The following GRIN2A variants were observed in gnomAD, a reference collection of about 807,000 sequenced individuals.
GRIN2A encodes glutamate receptor ionotropic, NMDA 2A.
GRIN2A carries 22 observed loss-of-function variants against 113.4 expected under a neutral mutation model. The observed-to-expected ratio is 0.19, with a 90% CI of 0.14 to 0.28. The LOEUF is 0.28. Among genes scored for constraint, GRIN2A ranks in the 10% least tolerant of loss-of-function variants. GRIN2A has a pLI of 1.00. For missense variants in GRIN2A, 1,502 were observed against 1,887.0 expected (o/e 0.80, Z 3.78); for synonymous variants, 827 against 738.4 (o/e 1.12, Z -1.94).
At chr16:10,134,074 T>C (rs947998250) in intron 2 of GRIN2A, among the ~76,000 whole-genome samples, 1 of 151,712 alleles carries the variant, frequency 6.6e-6, no homozygotes, top group African/African-American at 2.4e-5. Flanking sequence ...TGCATGCCTG[T>C]AGTCCAACCT....
chr16:10,161,174 G>A (rs964223451), intron 2 of GRIN2A, among the ~76,000 whole-genome samples: 3 of 152,192 alleles, frequency 2.0e-5, no homozygotes, highest in Non-Finnish European at 4.4e-5. Context: ...TCATGATAGT[G>A]AGTGAGTTCT....
At chr16:10,064,532 C>T (rs972374121) in intron 2 of GRIN2A, among the ~76,000 whole-genome samples, 1 of 152,174 alleles carries the variant, frequency 6.6e-6, no homozygotes, top group Admixed American at 6.5e-5. Context: ...CTGTTCATGC[C>T]TCTACATTGA....
At position 10,126,720 on chromosome 16, in the gene GRIN2A, C is replaced by G. The variant is rs567401955; in HGVS notation, c.414+53278G>C. On this transcript the variant is annotated intron_variant, in intron 2 of 12. Transcript: ENST00000330684. ...TCTGTTAATTTTCTTTATGTTATTGCTGGAACTCCCTGAAACGACCACAAA... is the reference window on the plus strand; with the variant it reads ...TCTGTTAATTTTCTTTATGTTATTGGTGGAACTCCCTGAAACGACCACAAA... Among the ~76,000 whole-genome samples the G allele has an allele frequency of 3.2e-4, 49 of 152,260 alleles. No individual in the cohort carries two copies. In the South Asian group the frequency reaches 0.01, roughly 32 times the overall value.
chr16:10,062,638 G>C (rs943410517), intron 2 of GRIN2A, among the ~76,000 whole-genome samples: 35 of 152,188 alleles, frequency 2.3e-4, no homozygotes, highest in African/African-American at 8.0e-4. Context: ...GCCGAGGTGG[G>C]TGTATCACCT....
chr16:10,114,742 C>G (rs2048695413), intron 2 of GRIN2A, among the ~76,000 whole-genome samples: 1 of 152,194 alleles, frequency 6.6e-6, no homozygotes, highest in Non-Finnish European at 1.5e-5. Context: ...GATCTAATAA[C>G]CAAAGAATCA....
At chr16:10,179,910 G>C (rs1162910009) in intron 2 of GRIN2A, 88 bp downstream of exon 2, 10 of 521,758 alleles carry the variant, frequency 1.9e-5, no homozygotes, top group East Asian at 1.3e-4. Flanking sequence ...CATCAAGACA[G>C]ATTCTAGGGG....
At chr16:9,780,007 G>T (rs755088207) in intron 11 of GRIN2A, among the ~76,000 whole-genome samples, 19 of 152,096 alleles carry the variant, frequency 1.2e-4, no homozygotes, top group Non-Finnish European at 4.4e-5. Context: ...TTGATGTTGG[G>T]GCAAGAATCT....
intron 4 of GRIN2A, among the ~76,000 whole-genome samples, chr16:9,857,730 G>A (rs192406534): frequency 1.3e-5 from 2 of 152,328 alleles, no homozygotes; most frequent in East Asian, 3.9e-4. Context: ...GCCCATAAAG[G>A]AATGCCCAAT....
chr16:9,883,703 G>A (rs1282566403), intron 4 of GRIN2A, among the ~76,000 whole-genome samples: 2 of 152,224 alleles, frequency 1.3e-5, no homozygotes, highest in Admixed American at 6.5e-5. Context: ...GTGATATTGG[G>A]TGTCTGTGGG....
chr16:9,821,934 T>G (rs1309169704), intron 10 of GRIN2A, among the ~76,000 whole-genome samples: 1 of 152,236 alleles, frequency 6.6e-6, no homozygotes, highest in African/African-American at 2.4e-5. Flanking sequence ...ATCTTTGTTT[T>G]CACTACTTTA....
chr16:9,903,475 C>G (rs1172187771), intron 3 of GRIN2A, among the ~76,000 whole-genome samples: 3 of 152,130 alleles, frequency 2.0e-5, no homozygotes, highest in Non-Finnish European at 4.4e-5. Context: ...AAAGGGATAC[C>G]TTAATCTCCA....
At chr16:9,848,504 C>T (rs1260936321) in intron 5 of GRIN2A, among the ~76,000 whole-genome samples, 1 of 151,140 alleles carries the variant, frequency 6.6e-6, no homozygotes, top group Non-Finnish European at 1.5e-5. Flanking sequence ...ATGTGAATCA[C>T]TGTGTCCAAC....
intron 10 of GRIN2A, among the ~76,000 whole-genome samples, chr16:9,815,343 T>C (rs2042165598): frequency 6.7e-6 from 1 of 150,066 alleles, no homozygotes; most frequent in South Asian, 2.1e-4. Context: ...AAAAAATATT[T>C]GCAAATTGTA....
chr16:9,855,132 C>A (rs2042946654), intron 4 of GRIN2A, among the ~76,000 whole-genome samples: 1 of 152,014 alleles, frequency 6.6e-6, no homozygotes, highest in African/African-American at 2.4e-5. Flanking sequence ...TGGCACAGGA[C>A]AAGAGGGTTC....
At chr16:10,087,521 G>T (rs1032178124) in intron 2 of GRIN2A, among the ~76,000 whole-genome samples, 2 of 152,178 alleles carry the variant, frequency 1.3e-5, no homozygotes, top group Non-Finnish European at 1.5e-5. Flanking sequence ...AAGCAGAGCT[G>T]CAACTAACCT....
intron 7 of GRIN2A, among the ~76,000 whole-genome samples, chr16:9,839,768 T>C (rs1212185814): frequency 6.6e-6 from 1 of 152,214 alleles, no homozygotes; most frequent in African/African-American, 2.4e-5. Context: ...GACCAGTATC[T>C]GAATATGTGA....
At chr16:9,777,440 C>T (rs914781322) in intron 11 of GRIN2A, among the ~76,000 whole-genome samples, 5 of 152,136 alleles carry the variant, frequency 3.3e-5, no homozygotes, top group Admixed American at 2.6e-4. Flanking sequence ...GTACAAGATT[C>T]TGGACACAAA....
rs957299535 is a variant in GRIN2A, at chr16:9,753,819, C to G, written c.*9330G>C. ...AGCAGACAGCTTGCTTTCAGCTCCA[C>G]CATACAAGACATCAAGTCAGTTCTG... On this transcript the variant is annotated 3_prime_UTR_variant, in exon 13 of 13. Coordinates refer to ENST00000330684, the MANE Select transcript of GRIN2A (RefSeq NM_001134407.3). 1 of 180,858 alleles carries G rather than the reference C, an allele frequency of 5.5e-6. No homozygotes were observed. Among genetic ancestry groups the G allele is most frequent in the Admixed American group, 6.3e-5 (1 of 15,922 alleles). The allele number at this position is 180,858 out of a possible 1,614,324, so 11.2% of individuals were successfully genotyped here.
Position 9,827,390 on chromosome 16 carries a change from G to C in GRIN2A, c.2007+2033C>G, listed in dbSNP as rs1434565013. Among the ~76,000 whole-genome samples, 3 of 152,220 alleles carry C rather than the reference G, an allele frequency of 2.0e-5. No individual in the cohort carries two copies. The East Asian group carries it at 5.8e-4, about 29-fold the overall frequency. On this transcript the variant is annotated intron_variant, in intron 9 of 12. Coordinates refer to ENST00000330684, the MANE Select transcript of GRIN2A (RefSeq NM_001134407.3). ...GATTTACTAGTGAAGGGTTCCAGGA[G>C]AAGTCAGCAGGGGAGCAGGATAAAG...
Sources: gnomAD v4.1 joint callset for allele counts (sites outside exome capture counted in the v4.1 genomes callset) on GRCh38, gnomAD v4.1.1 for gene constraint, MANE v1.5 for transcripts, NCBI Gene and HGNC (gene_info 2026-07-23, HGNC 2026-07-21) for gene names.